SYNE2: variants seen among roughly 807,000 people sequenced by gnomAD.
SYNE2 encodes the protein nesprin-2.
A neutral mutation model predicts 856.3 loss-of-function variants in SYNE2; 431 were observed. That is an observed-to-expected ratio of 0.50 (90% CI 0.47 to 0.55). The LOEUF is 0.55. SYNE2 is among the 20% of genes least tolerant of loss of function. SYNE2 has a pLI of 0.00. For missense variants in SYNE2, 8,129 were observed against 8,023.2 expected (o/e 1.01, Z -0.50); for synonymous variants, 2,923 against 2,872.3 (o/e 1.02, Z -0.56).
chr14:63,970,651 CTTTTTTT>C (rs61126600), intron 11 of SYNE2, among the ~76,000 whole-genome samples: 31 of 98,894 alleles, frequency 3.1e-4, no homozygotes, highest in Admixed American at 1.1e-3. Context: ...TTTCTTTTTT[CTTTTTTT>C]TTTTTTTTTT....
chr14:63,816,827 G>A (rs951089518), intron 1 of SYNE2, among the ~76,000 whole-genome samples: 1 of 151,822 alleles, frequency 6.6e-6, no homozygotes, highest in African/African-American at 2.4e-5. Flanking sequence ...AGAGATCCTC[G>A]TGTCTCAGCG....
At chr14:63,939,913 C>G (rs1398635496) in intron 2 of SYNE2, among the ~76,000 whole-genome samples, 1 of 152,104 alleles carries the variant, frequency 6.6e-6, no homozygotes, top group Non-Finnish European at 1.5e-5. Context: ...AAGACTAAAC[C>G]TTAATGATTT....
At chr14:64,161,328 A>G (rs1014443615) in intron 87 of SYNE2, among the ~76,000 whole-genome samples, 3 of 151,886 alleles carry the variant, frequency 2.0e-5, no homozygotes, top group Non-Finnish European at 4.4e-5. Context: ...TGGGCAACAG[A>G]GCAAGACCCT....
intron 1 of SYNE2, among the ~76,000 whole-genome samples, chr14:63,887,503 A>C (rs1278589001): frequency 6.6e-6 from 1 of 152,092 alleles, no homozygotes; most frequent in Non-Finnish European, 1.5e-5. Context: ...TGGAAGAGAG[A>C]GCCCAGCTGA....
intron 1 of SYNE2, among the ~76,000 whole-genome samples, chr14:63,814,963 TATATATCTATCC>T (rs1888850899): frequency 1.4e-5 from 2 of 141,170 alleles, no homozygotes; most frequent in African/African-American, 5.2e-5. Context: ...TATATATCCA[TATATATCTATCC>T]ATATATATCC....
chr14:64,082,336 T>C (rs2097530734), intron 57 of SYNE2, among the ~76,000 whole-genome samples: 1 of 152,164 alleles, frequency 6.6e-6, no homozygotes, highest in South Asian at 2.1e-4. Context: ...TATGGGATTT[T>C]GGGATTTGGA....
At chr14:63,898,268 G>C (rs1275162704) in intron 1 of SYNE2, among the ~76,000 whole-genome samples, 1 of 152,054 alleles carries the variant, frequency 6.6e-6, no homozygotes, top group African/African-American at 2.4e-5. Context: ...GCCTCAATCT[G>C]CTGCATCACT....
In SYNE2 at chr14:64,078,153, A is replaced by T. The variant is rs553879657; in HGVS notation, c.11023-313A>T. Among the ~76,000 whole-genome samples, 4 of 152,354 alleles carry T rather than the reference A, an allele frequency of 2.6e-5. No individual in the cohort carries two copies. The South Asian group carries it at 6.2e-4, about 24-fold the overall frequency. ...TTTGATCCATATGGAAATGTTTCAC[A>T]CAATCCACTCAGTAATTTTGCCCAA... On this transcript the variant is annotated intron_variant, in intron 54 of 115. Transcript: ENST00000555002.
At chr14:64,180,892 A>G (rs1199493352) in intron 96 of SYNE2, among the ~76,000 whole-genome samples, 2 of 152,232 alleles carry the variant, frequency 1.3e-5, no homozygotes, top group Non-Finnish European at 2.9e-5. Flanking sequence ...TATTGAAAAT[A>G]CTGCCTTTTT....
intron 1 of SYNE2, among the ~76,000 whole-genome samples, chr14:63,821,315 C>T (rs1889202027): frequency 6.6e-6 from 1 of 152,162 alleles, no homozygotes; most frequent in African/African-American, 2.4e-5. Context: ...TTTCAACTTA[C>T]TAATCTAGCT....
chr14:63,851,103 C>A (rs1890405632), upstream of SYNE2, among the ~76,000 whole-genome samples: 1 of 152,190 alleles, frequency 6.6e-6, no homozygotes, highest in Non-Finnish European at 1.5e-5. Flanking sequence ...TGGCTCATGC[C>A]TGTAATCCCA....
At chr14:63,781,551 C>T (rs1018564134) in intron 1 of SYNE2, among the ~76,000 whole-genome samples, 1 of 151,078 alleles carries the variant, frequency 6.6e-6, no homozygotes, top group African/African-American at 2.4e-5. Context: ...GTGGCGCAAT[C>T]TTGGAAAGCC....
intron 1 of SYNE2, among the ~76,000 whole-genome samples, chr14:63,797,203 C>A (rs1211767334): frequency 2.6e-5 from 4 of 151,550 alleles, no homozygotes; most frequent in Non-Finnish European, 5.9e-5. Context: ...TTGAGACCAG[C>A]CTGGTCAACA....
At chr14:64,105,107 T>C (rs1321374464) in intron 64 of SYNE2, among the ~76,000 whole-genome samples, 5 of 152,190 alleles carry the variant, frequency 3.3e-5, no homozygotes, top group Non-Finnish European at 7.3e-5. Flanking sequence ...CTCCTCCCAT[T>C]ATTTTTGCCA....
intron 1 of SYNE2, among the ~76,000 whole-genome samples, chr14:63,779,325 C>CAAAT (rs3057793): frequency 0.55 from 76,814 of 139,090 alleles, 22,518 homozygotes; most frequent in South Asian, 0.65. Flanking sequence ...AACTCCGTCT[C>CAAAT]AAATAAATAA....
chr14:64,075,164 G>T (rs1235204568), intron 53 of SYNE2, among the ~76,000 whole-genome samples: 1 of 152,158 alleles, frequency 6.6e-6, no homozygotes, highest in Non-Finnish European at 1.5e-5. Context: ...TCATTCTTCA[G>T]TACAGTGACT....
At chr14:64,013,119 A>G (rs542695020) in intron 32 of SYNE2, among the ~76,000 whole-genome samples, 28 of 152,336 alleles carry the variant, frequency 1.8e-4, no homozygotes, top group African/African-American at 6.7e-4. Flanking sequence ...CATTCGCTGT[A>G]AAACAAAACC....
chr14:63,913,706 GC>G (rs1369246896), intron 2 of SYNE2, among the ~76,000 whole-genome samples: 1 of 151,374 alleles, frequency 6.6e-6, no homozygotes, highest in Non-Finnish European at 1.5e-5. Flanking sequence ...CAAGTGATTT[GC>G]CTGCCTTGGC....
intron 1 of SYNE2, among the ~76,000 whole-genome samples, chr14:63,838,760 C>G (rs1045426254): frequency 1.3e-5 from 2 of 152,166 alleles, no homozygotes; most frequent in Non-Finnish European, 2.9e-5. Context: ...CCTCTCTCCT[C>G]AGCCTCCCAA....
Sources: allele counts gnomAD v4.1 joint callset (sites outside exome capture counted in the v4.1 genomes callset), GRCh38; gene constraint gnomAD v4.1.1; transcripts MANE v1.5; gene names NCBI Gene and HGNC (gene_info 2026-07-23, HGNC 2026-07-21).